Variants in ERI3 observed in about 807,000 individuals in gnomAD.
ERI3 encodes the protein ERI1 exoribonuclease family member 3, also known as ERI1 exoribonuclease 3.
In ERI3, 18 loss-of-function variants were observed where a neutral mutation model predicts 44.4. That is an observed-to-expected ratio of 0.41 (90% CI 0.28 to 0.60). ERI3 has a LOEUF of 0.60. ERI3 is among the 20% of genes least tolerant of loss of function. ERI3 has a pLI of 0.36. For synonymous variants in ERI3, 183 were observed against 164.8 expected (o/e 1.11, Z -0.84); for missense variants, 294 against 435.5 (o/e 0.68, Z 2.89).
At chr1:44,253,356 G>A (rs1236712450) in intron 7 of ERI3, among the ~76,000 whole-genome samples, 1 of 152,094 alleles carries the variant, frequency 6.6e-6, no homozygotes, top group African/African-American at 2.4e-5. Context: ...CTTTCCTCCA[G>A]GTATATCTGA....
At chr1:44,342,839 A>T (rs1646698213) in intron 2 of ERI3, among the ~76,000 whole-genome samples, 1 of 27,684 alleles carries the variant, frequency 3.6e-5, no homozygotes, top group Non-Finnish European at 6.5e-5. Context: ...ATATATATAT[A>T]TATATATATA....
chr1:44,313,706 A>C (rs1646022059), intron 4 of ERI3, among the ~76,000 whole-genome samples: 1 of 152,136 alleles, frequency 6.6e-6, no homozygotes, highest in Admixed American at 6.6e-5. Flanking sequence ...CTGAGCCTTG[A>C]TATCCAGCAC....
intron 7 of ERI3, among the ~76,000 whole-genome samples, chr1:44,264,563 C>A (rs979155944): frequency 3.3e-5 from 5 of 152,236 alleles, no homozygotes; most frequent in Non-Finnish European, 7.3e-5. Flanking sequence ...CGTGCATAGG[C>A]AATGAAGCTC....
chr1:44,339,365 A>G, intron 2 of ERI3, 43 bp from the exon 3 acceptor site: 2 of 1,433,488 alleles, frequency 1.4e-6, no homozygotes, highest in Non-Finnish European at 1.8e-6. Flanking sequence ...AAAAGAAAAG[A>G]AAGAAAAAAA....
At chr1:44,339,359 G>GA (rs752810237) in intron 2 of ERI3, 37 bp from the exon 3 acceptor site, 1 of 1,035,124 alleles carries the variant, frequency 9.7e-7, no homozygotes, top group Non-Finnish European at 1.3e-6. Flanking sequence ...AAAAAAAAAA[G>GA]AAAAGAAAGA....
intron 8 of ERI3, among the ~76,000 whole-genome samples, chr1:44,234,522 G>A (rs2154316454): frequency 6.6e-6 from 1 of 151,922 alleles, no homozygotes; most frequent in East Asian, 2.0e-4. Flanking sequence ...AATTAGCTGG[G>A]CGTGGTGGCA....
At chr1:44,322,753 A>G (rs1161747111) in intron 3 of ERI3, 5 of 1,550,008 alleles carry the variant, frequency 3.2e-6, no homozygotes, top group Non-Finnish European at 4.4e-6. Context: ...CAGTACTTCC[A>G]TACTTCCCAG....
chr1:44,246,439 C>T lies in ERI3; in HGVS notation c.931+1500G>A, dbSNP rs180807320. On this transcript the variant is annotated intron_variant, in intron 8 of 8. Transcript: ENST00000372257. ...CGTCTTCTCTAGATTGTTTGGAAAA[C>T]ATCTGTGAAACATCTATGCGAGGGA... Among the ~76,000 whole-genome samples the T allele has an allele frequency of 1.5e-3, 233 of 152,348 alleles. 1 individual carries two copies. Among genetic ancestry groups the T allele is most frequent in the Admixed American group, 4.7e-3 (72 of 15,304 alleles).
chr1:44,244,979 A>C (rs941252705), intron 8 of ERI3, among the ~76,000 whole-genome samples: 5 of 151,894 alleles, frequency 3.3e-5, no homozygotes, highest in African/African-American at 9.7e-5. Context: ...TTACCCCCCC[A>C]GCCAATACAC....
At chr1:44,222,125 G>A (rs544369042) in intron 8 of ERI3, among the ~76,000 whole-genome samples, 51 of 152,320 alleles carry the variant, frequency 3.3e-4, no homozygotes, top group South Asian at 2.7e-3. Context: ...CGGCACTTTC[G>A]TGTGTGTGGG....
intron 8 of ERI3, among the ~76,000 whole-genome samples, chr1:44,223,169 A>C (rs1181350294): frequency 1.3e-5 from 2 of 152,178 alleles, no homozygotes; most frequent in Non-Finnish European, 2.9e-5. Context: ...GAGGCAGAAC[A>C]GTGGAAAGAC....
In ERI3 at chr1:44,254,409, A is replaced by C. The variant is rs112112212; in HGVS notation, c.832-6371T>G. Among the ~76,000 whole-genome samples the C allele has an allele frequency of 3.6e-4, 55 of 152,008 alleles. 1 individual carries two copies. Among genetic ancestry groups the C allele is most frequent in the Admixed American group, 9.2e-4 (14 of 15,252 alleles). ...TTCCTCCCAGCCCCCGCCTACCCCT[A>C]GTCTGTCTATCCCCTTTTCGGGCTT... On this transcript the variant is annotated intron_variant, in intron 7 of 8. Transcript: ENST00000372257.
chr1:44,300,545 G>A (rs914167090), intron 6 of ERI3, among the ~76,000 whole-genome samples: 1 of 152,188 alleles, frequency 6.6e-6, no homozygotes, highest in East Asian at 1.9e-4. Context: ...GGGGTGAGAC[G>A]CCTGTTGACT....
In ERI3 at chr1:44,298,713, G is replaced by A. The variant is rs13353028; in HGVS notation, c.758+9597C>T. 5.4e-3 allele frequency among the ~76,000 whole-genome samples: 827 copies of A among 152,152 alleles called. 7 individuals carry two copies. The highest frequency in any genetic ancestry group is 0.019 in the African/African-American group (779 of 41,514). ...GCAGACTGCTTGAGCTCAGGAGTTC[G>A]AGACCAGCCTGGGCTACATGGCAAA... is the stretch of plus-strand genomic sequence containing the variant. On this transcript the variant is annotated intron_variant, in intron 6 of 8. Coordinates refer to ENST00000372257, the MANE Select transcript of ERI3 (RefSeq NM_024066.3).
chr1:44,251,735 G>A (rs1572114659), intron 7 of ERI3, among the ~76,000 whole-genome samples: 1 of 152,182 alleles, frequency 6.6e-6, no homozygotes, highest in East Asian at 1.9e-4. Flanking sequence ...GGGTGTGGCT[G>A]GGACAGCCAA....
chr1:44,287,762 C>T (rs1023682224), intron 6 of ERI3, among the ~76,000 whole-genome samples: 26 of 152,212 alleles, frequency 1.7e-4, no homozygotes, highest in African/African-American at 5.8e-4. Flanking sequence ...CTTTCATGTT[C>T]CTTATCCTTC....
intron 8 of ERI3, among the ~76,000 whole-genome samples, chr1:44,230,046 TTG>T (rs1490962834): frequency 2.0e-5 from 3 of 152,168 alleles, no homozygotes; most frequent in Non-Finnish European, 4.4e-5. Context: ...ATTACACGCC[TTG>T]TTAGAGTATC....
chr1:44,327,495 T>A (rs1324670703), intron 3 of ERI3, among the ~76,000 whole-genome samples: 1 of 152,224 alleles, frequency 6.6e-6, no homozygotes, highest in Non-Finnish European at 1.5e-5. Flanking sequence ...CAGTTTATCC[T>A]CCCATCAGTC....
intron 6 of ERI3, among the ~76,000 whole-genome samples, chr1:44,285,528 G>A (rs1255764193): frequency 6.6e-6 from 1 of 152,176 alleles, no homozygotes; most frequent in Non-Finnish European, 1.5e-5. Flanking sequence ...CAGGTAGAAG[G>A]ATAAGAAGAG....
Sources: allele counts gnomAD v4.1 joint callset (sites outside exome capture counted in the v4.1 genomes callset), GRCh38; gene constraint gnomAD v4.1.1; transcripts MANE v1.5; gene names NCBI Gene and HGNC (gene_info 2026-07-23, HGNC 2026-07-21).